NRXN3: variants seen among roughly 807,000 people sequenced by gnomAD.
NRXN3 encodes the protein neurexin 3, also known as neurexin III.
In NRXN3, 32 loss-of-function variants were observed where a neutral mutation model predicts 137.6. That is an observed-to-expected ratio of 0.23 (90% confidence interval 0.18 to 0.31). The LOEUF is 0.31. NRXN3 is among the 10% of genes least tolerant of loss of function. The probability of loss-of-function intolerance (pLI) is 1.00; values close to 1 mark genes in which losing one functional copy is unlikely to be tolerated. For missense variants in NRXN3, 1,574 were observed against 2,062.5 expected (o/e 0.76, Z 4.59); for synonymous variants, 798 against 784.5 (o/e 1.02, Z -0.29).
At chr14:79,338,655 A>G (rs959714794) in intron 15 of NRXN3, among the ~76,000 whole-genome samples, 1 of 152,210 alleles carries the variant, frequency 6.6e-6, no homozygotes, top group Non-Finnish European at 1.5e-5. Context: ...TAATTCAGGT[A>G]AAGCACATAG....
chr14:79,337,573 A>G (rs2092347076), intron 15 of NRXN3, among the ~76,000 whole-genome samples: 1 of 152,178 alleles, frequency 6.6e-6, no homozygotes, highest in African/African-American at 2.4e-5. Context: ...CCAAAATTTC[A>G]TGTGTTATAA....
intron 16 of NRXN3, among the ~76,000 whole-genome samples, chr14:79,511,635 C>A (rs933968106): frequency 2.0e-5 from 3 of 152,126 alleles, no homozygotes; most frequent in Non-Finnish European, 4.4e-5. Context: ...CGCTCTTAGT[C>A]AATCTTTGCA....
At chr14:78,829,842 G>C (rs2098976851) in intron 10 of NRXN3, among the ~76,000 whole-genome samples, 1 of 152,128 alleles carries the variant, frequency 6.6e-6, no homozygotes. Context: ...GTGAGAAAAT[G>C]GTTCTAACAG....
intron 16 of NRXN3, among the ~76,000 whole-genome samples, chr14:79,560,446 GC>G (rs976008216): frequency 7.1e-4 from 103 of 145,928 alleles, no homozygotes; most frequent in African/African-American, 2.4e-3. Context: ...ATTTCTGGAA[GC>G]CATTTTGACA....
At chr14:79,034,211 A>G (rs551035070) in intron 15 of NRXN3, among the ~76,000 whole-genome samples, 14 of 152,170 alleles carry the variant, frequency 9.2e-5, no homozygotes, top group Non-Finnish European at 1.9e-4. Flanking sequence ...ATGCTCCCTC[A>G]TGTTTAAGAT....
chr14:78,583,277 T>G (rs183221776), intron 4 of NRXN3, among the ~76,000 whole-genome samples: 1 of 152,216 alleles, frequency 6.6e-6, no homozygotes, highest in Admixed American at 6.5e-5. Flanking sequence ...TTTAGTGGAC[T>G]TATTTGTCCA....
chr14:78,587,366 C>G lies in NRXN3; in HGVS notation c.758-57754C>G, dbSNP rs114164413. Among the ~76,000 whole-genome samples, 1,149 of 152,274 alleles carry G rather than the reference C, an allele frequency of 7.5e-3. 19 individuals are homozygous for G. The highest frequency in any genetic ancestry group is 0.026 in the African/African-American group (1,086 of 41,540). On this transcript the variant is annotated intron_variant, in intron 4 of 20. Transcript: ENST00000335750. ...ATCTAGAAACTTAGAGACGCAAATC[C>G]TCGGTGCACCCCCAACCCATGGAAT... is the stretch of plus-strand genomic sequence containing the variant.
intron 15 of NRXN3, among the ~76,000 whole-genome samples, chr14:79,404,373 G>A: frequency 6.6e-6 from 1 of 152,110 alleles, no homozygotes; most frequent in East Asian, 1.9e-4. Context: ...TCTTTGGAAT[G>A]GGTAAATTAT....
At chr14:78,428,003 C>A (rs1225336099) in intron 4 of NRXN3, among the ~76,000 whole-genome samples, 2 of 152,188 alleles carry the variant, frequency 1.3e-5, no homozygotes, top group Non-Finnish European at 2.9e-5. Context: ...ACATCACATT[C>A]CTGCCTGTGA....
At chr14:78,621,432 A>G (rs1007662060) in intron 4 of NRXN3, among the ~76,000 whole-genome samples, 1 of 152,192 alleles carries the variant, frequency 6.6e-6, no homozygotes, top group Non-Finnish European at 1.5e-5. Flanking sequence ...ATTACTACCA[A>G]TCTTCACTAC....
At chr14:78,788,503 G>C (rs932571631) in intron 8 of NRXN3, among the ~76,000 whole-genome samples, 1 of 152,144 alleles carries the variant, frequency 6.6e-6, no homozygotes, top group Non-Finnish European at 1.5e-5. Flanking sequence ...CATGGAAGAT[G>C]AAAGGAAAGG....
chr14:78,170,764 A>G (rs895417703), intron 1 of NRXN3, 90 bp downstream of exon 1: 1 of 152,172 alleles, frequency 6.6e-6, no homozygotes, highest in Admixed American at 6.5e-5. Flanking sequence ...CTGAGAGGGT[A>G]GAAGTTTTCA....
chr14:79,151,878 T>G (rs2059832371), intron 15 of NRXN3, among the ~76,000 whole-genome samples: 1 of 152,106 alleles, frequency 6.6e-6, no homozygotes, highest in Non-Finnish European at 1.5e-5. Context: ...TCAATATACT[T>G]TATTTTCTTT....
At chr14:79,485,731 C>G (rs963079978) in intron 16 of NRXN3, among the ~76,000 whole-genome samples, 3 of 152,060 alleles carry the variant, frequency 2.0e-5, no homozygotes, top group Non-Finnish European at 4.4e-5. Flanking sequence ...AGAGGATTAC[C>G]TTGAAATTGA....
intron 15 of NRXN3, among the ~76,000 whole-genome samples, chr14:79,123,057 T>C (rs1275197790): frequency 6.6e-6 from 1 of 152,190 alleles, no homozygotes; most frequent in Admixed American, 6.5e-5. Flanking sequence ...CTTCAGCTTA[T>C]GCCATCACCT....
intron 6 of NRXN3, among the ~76,000 whole-genome samples, chr14:78,651,684 T>C (rs2097745101): frequency 6.6e-6 from 1 of 152,192 alleles, no homozygotes; most frequent in Non-Finnish European, 1.5e-5. Context: ...ACATCTTACA[T>C]GGTGGCAGGG....
chr14:78,179,450 G>A (rs368335443), intron 1 of NRXN3, among the ~76,000 whole-genome samples: 2 of 152,286 alleles, frequency 1.3e-5, no homozygotes, highest in East Asian at 1.9e-4. Flanking sequence ...ATTAAACATC[G>A]ATTTCTGGGT....
chr14:78,415,322 C>T (rs1031670095), intron 4 of NRXN3, among the ~76,000 whole-genome samples: 4 of 152,268 alleles, frequency 2.6e-5, no homozygotes, highest in East Asian at 1.9e-4. Flanking sequence ...TCAGTTTTGT[C>T]GAGGAGAAAA....
intron 9 of NRXN3, 33 bp downstream of exon 9, chr14:78,803,856 TG>T (rs768197819): frequency 1.3e-6 from 2 of 1,575,430 alleles, no homozygotes; most frequent in African/African-American, 2.7e-5. Context: ...CCACTTCGTT[TG>T]GGCTTGTCTT....
Sources: gnomAD v4.1 joint callset for allele counts (sites outside exome capture counted in the v4.1 genomes callset) on GRCh38, gnomAD v4.1.1 for gene constraint, MANE v1.5 for transcripts, NCBI Gene and HGNC (gene_info 2026-07-23, HGNC 2026-07-21) for gene names.